The following IL1RL1 variants were observed in gnomAD, a reference collection of about 807,000 sequenced individuals.
The protein encoded by IL1RL1 is interleukin 1 receptor like 1.
IL1RL1 carries 32 observed loss-of-function variants against 50.9 expected under a neutral mutation model. The observed-to-expected ratio is 0.63, with a 90% CI of 0.47 to 0.84. The LOEUF (loss-of-function observed/expected upper bound fraction) is 0.84. Among genes scored for constraint, IL1RL1 ranks in the 40% least tolerant of loss-of-function variants. The pLI, the probability that IL1RL1 is intolerant of heterozygous loss-of-function variation, is 0.00. For missense variants in IL1RL1, 773 were observed against 662.9 expected, an observed-to-expected ratio of 1.17 and a Z score of -1.82; for synonymous variants, 275 against 236.0, an observed-to-expected ratio of 1.17 and a Z score of -1.51.
At chr2:102,348,688 C>A (rs1227753122) in intron 9 of IL1RL1, among the ~76,000 whole-genome samples, 1 of 152,192 alleles carries the variant, frequency 6.6e-6, no homozygotes, top group African/African-American at 2.4e-5. Context: ...TTAAAAAATT[C>A]TATGCCCTTG....
At chr2:102,329,367 A>C (rs1354724188) in intron 1 of IL1RL1, among the ~76,000 whole-genome samples, 2 of 152,326 alleles carry the variant, frequency 1.3e-5, no homozygotes, top group African/African-American at 4.8e-5. Flanking sequence ...GAAATTTTAG[A>C]CCTAAAACCA....
At chr2:102,319,428 CAG>C (rs1253044813) in intron 1 of IL1RL1, among the ~76,000 whole-genome samples, 2 of 152,020 alleles carry the variant, frequency 1.3e-5, no homozygotes, top group African/African-American at 4.8e-5. Context: ...AGAAGAGAAA[CAG>C]AAAAGAAAGG....
At chr2:102,337,623 A>G (rs1057142127) in intron 1 of IL1RL1, among the ~76,000 whole-genome samples, 1 of 152,150 alleles carries the variant, frequency 6.6e-6, no homozygotes, top group African/African-American at 2.4e-5. Flanking sequence ...TAGGACAATT[A>G]CTTGGCTAAT....
At chr2:102,339,820 T>C (rs1322630365) in intron 3 of IL1RL1, among the ~76,000 whole-genome samples, 1 of 152,244 alleles carries the variant, frequency 6.6e-6, no homozygotes, top group Non-Finnish European at 1.5e-5. Flanking sequence ...TAATTATCTT[T>C]ATTACACTGG....
At chr2:102,345,746 T>C (rs948840798) in intron 8 of IL1RL1, 60 of 985,254 alleles carry the variant, frequency 6.1e-5, no homozygotes, top group Non-Finnish European at 6.5e-5. Flanking sequence ...AGTGCCGTAG[T>C]GTTCTGTGGG....
chr2:102,351,863 CA>C lies in IL1RL1; in HGVS notation c.1615del (p.Ser539AlafsTer10). On this transcript the variant is annotated frameshift_variant, in exon 11 of 11. Coordinates refer to ENST00000233954, the MANE Select transcript of IL1RL1 (RefSeq NM_016232.5). LOFTEE classifies it low-confidence loss of function (END_TRUNC). ...WKHVRYQMPVPSKIPRKASSL... is the reference protein window; with the variant it reads ...WKHVRYQMPVXSKIPRKASSL... ...CACGTGAGGTACCAAATGCCTGTGC[CA>C]AGCAAAATTCCCAGAAAGGCCTCTA... The C allele has an allele frequency of 1.2e-6, 2 of 1,613,840 alleles. No individual in the cohort carries two copies. Among genetic ancestry groups the C allele is most frequent in the Non-Finnish European group, 8.5e-7 (1 of 1,179,858 alleles).
intron 1 of IL1RL1, chr2:102,312,953 C>T (rs986443109): frequency 6.6e-6 from 1 of 152,094 alleles, no homozygotes; most frequent in South Asian, 2.1e-4. Flanking sequence ...TATAACAGTT[C>T]TCCTACTAGA....
At chr2:102,339,676 G>A (rs1176191059) in intron 3 of IL1RL1, among the ~76,000 whole-genome samples, 1 of 152,108 alleles carries the variant, frequency 6.6e-6, no homozygotes, top group African/African-American at 2.4e-5. Flanking sequence ...CTGCCCTTCA[G>A]TTTCCTTCTC....
chr2:102,324,878 T>C (rs11676124), intron 1 of IL1RL1, among the ~76,000 whole-genome samples: 98,969 of 152,122 alleles, frequency 0.65, 33,086 homozygotes, highest in African/African-American at 0.79. Context: ...TAGAGCCCAC[T>C]GCAGCTCAAG....
In IL1RL1 at chr2:102,343,294, AG is replaced by A; in HGVS notation, c.850del (p.Asp284ThrfsTer4). 2 of 1,614,226 alleles carry A rather than the reference AG, an allele frequency of 1.2e-6. No homozygotes were observed. The highest frequency in any genetic ancestry group is 1.7e-6 in the Non-Finnish European group (2 of 1,180,042). ...QSFSNGLACLDMVLRIADVKE... is the reference protein window; with the variant it reads ...QSFSNGLACLXMVLRIADVKE... ...GTTTCAGCAATGGGCTGGCTTGTCT[AG>A]ACATGGTTTTAAGAATAGCTGACGT... On this transcript the variant is annotated frameshift_variant, in exon 8 of 11. Coordinates refer to ENST00000233954, the MANE Select transcript of IL1RL1 (RefSeq NM_016232.5). LOFTEE classifies it high-confidence loss of function.
In IL1RL1 at chr2:102,343,064, T is replaced by C; in HGVS notation, c.711T>C (p.Ala237=). Residue 237 remains alanine, a synonymous_variant, in exon 7 of 11, where the codon GCT becomes GCC. Transcript: ENST00000233954. ...AAAACGCAAACCTAACTTGCTCTGC[T>C]TGTTTTGGAAAAGGCACTCAGTTCT... The part of the protein sequence containing the change: ...IGKNANLTCS[A]CFGKGTQFLA... 1.9e-6 allele frequency: 3 copies of C among 1,614,118 alleles called. No homozygotes were observed. The highest frequency in any genetic ancestry group is 2.5e-6 in the Non-Finnish European group (3 of 1,180,008).
intron 1 of IL1RL1, among the ~76,000 whole-genome samples, chr2:102,331,927 G>T (rs1359407076): frequency 6.6e-6 from 1 of 152,088 alleles, no homozygotes; most frequent in African/African-American, 2.4e-5. Flanking sequence ...AATTAGCTGG[G>T]CATGGTGATG....
rs768947239 is a variant in IL1RL1 at position 102,349,161 on chromosome 2, TG to T, written c.1201del (p.Val401PhefsTer30). On this transcript the variant is annotated frameshift_variant, in exon 10 of 11. Transcript: ENST00000233954. LOFTEE classifies it high-confidence loss of function. ...ATGGGGCCAGTCGTGTAGAGCACTTTGTTCACCAGATTCTGCCTGATGTTCT... is the reference window on the plus strand; with the variant it reads ...ATGGGGCCAGTCGTGTAGAGCACTTTTTCACCAGATTCTGCCTGATGTTCT... ...TDGASRVEHF[V>X]HQILPDVLEN... 1 of 1,613,738 alleles carries T rather than the reference TG, an allele frequency of 6.2e-7. No homozygotes were observed. The highest frequency in any genetic ancestry group is 8.5e-7 in the Non-Finnish European group (1 of 1,179,638).
In IL1RL1 at chr2:102,343,354, T is replaced by C. The variant is rs1481578726; in HGVS notation, c.909T>C (p.Cys303=). Residue 303 remains cysteine, a synonymous_variant, in exon 8 of 11, where the codon TGT becomes TGC. Coordinates refer to ENST00000233954, the MANE Select transcript of IL1RL1 (RefSeq NM_016232.5). The stretch of plus-strand genomic sequence containing the variant: ...AGGATTTATTGCTGCAGTACGACTG[T>C]CTGGCCCTGAATTTGCATGGCTTGA... The part of the protein sequence containing the change: ...KEEDLLLQYD[C]LALNLHGLRR... The C allele has an allele frequency of 1.2e-6, 2 of 1,614,198 alleles. No individual in the cohort carries two copies. The highest frequency in any genetic ancestry group is 2.2e-5 in the East Asian group (1 of 44,882).
chr2:102,329,931 C>T (rs906608435), intron 1 of IL1RL1, among the ~76,000 whole-genome samples: 12 of 152,152 alleles, frequency 7.9e-5, no homozygotes, highest in Admixed American at 2.6e-4. Flanking sequence ...GTCAGTGTGG[C>T]GATTCCTCAG....
At chr2:102,314,131 C>T (rs551516324) in intron 1 of IL1RL1, among the ~76,000 whole-genome samples, 3 of 142,554 alleles carry the variant, frequency 2.1e-5, no homozygotes, top group East Asian at 2.1e-4. Flanking sequence ...GTCCTTAGCA[C>T]GCTTGGAATA....
At chr2:102,328,978 G>GA (rs566403314) in intron 1 of IL1RL1, among the ~76,000 whole-genome samples, 1 of 152,048 alleles carries the variant, frequency 6.6e-6, no homozygotes, top group Non-Finnish European at 1.5e-5. Context: ...CACAGAATTG[G>GA]AAAAAACTAC....
intron 1 of IL1RL1, among the ~76,000 whole-genome samples, chr2:102,332,578 A>G (rs1370828190): frequency 1.3e-5 from 2 of 152,234 alleles, no homozygotes; most frequent in East Asian, 1.9e-4. Context: ...GTGTGACTCC[A>G]TTTATAGGAA....
intron 1 of IL1RL1, among the ~76,000 whole-genome samples, chr2:102,330,068 A>G (rs866658573): frequency 1.2e-4 from 18 of 152,360 alleles, no homozygotes; most frequent in Middle Eastern, 3.4e-3. Context: ...TATTCACAAT[A>G]GCAAAGACTT....
Sources: allele counts gnomAD v4.1 joint callset (sites outside exome capture counted in the v4.1 genomes callset), GRCh38; gene constraint gnomAD v4.1.1; transcripts MANE v1.5; gene names NCBI Gene and HGNC (gene_info 2026-07-23, HGNC 2026-07-21).